Variants in CHN2 observed in about 807,000 individuals in gnomAD.
CHN2 encodes chimerin 2, also known as beta-chimaerin.
In CHN2, 35 loss-of-function variants were observed where a neutral mutation model predicts 56.3. The observed-to-expected ratio is 0.62, with a 90% confidence interval of 0.47 to 0.82. CHN2 has a LOEUF of 0.82. Ranked by LOEUF, CHN2 falls within the 40% of genes least tolerant of loss-of-function variation. CHN2 has a pLI of 0.00. For synonymous variants in CHN2, 210 were observed against 212.8 expected (o/e 0.99, Z 0.12); for missense variants, 491 against 580.5 (o/e 0.85, Z 1.58).
At chr7:29,249,667 GTGTAGAGAA>G (rs1182443339) in intron 1 of CHN2, among the ~76,000 whole-genome samples, 6 of 152,170 alleles carry the variant, frequency 3.9e-5, no homozygotes, top group Admixed American at 2.6e-4. Flanking sequence ...GGTTATTTGA[GTGTAGAGAA>G]TGTATTCATC....
intron 1 of CHN2, among the ~76,000 whole-genome samples, chr7:29,276,175 T>C (rs2189600): frequency 0.27 from 37,797 of 142,084 alleles, 5,149 homozygotes; most frequent in East Asian, 0.4. Flanking sequence ...GCAAGAGCTT[T>C]CCAAGCAGCA....
intron 1 of CHN2, among the ~76,000 whole-genome samples, chr7:29,200,913 T>C (rs1316813300): frequency 6.6e-6 from 1 of 152,176 alleles, no homozygotes; most frequent in African/African-American, 2.4e-5. Context: ...AACTGGCCAC[T>C]AACCTTTCAG....
chr7:29,262,636 C>G (rs116431163), intron 1 of CHN2, among the ~76,000 whole-genome samples: 2,585 of 152,210 alleles, frequency 0.017, 70 homozygotes, highest in African/African-American at 0.06. Flanking sequence ...ACCTTCCTTA[C>G]TAAAAAGAAA....
At position 29,435,634 on chromosome 7, in the gene CHN2, A is replaced by G. The variant is rs59077843; in HGVS notation, c.576+34806A>G. ...ACACAGACAAGGTACAGTTAAAATT[A>G]TAATATTATAATCTTATGGACCACC... On this transcript the variant is annotated intron_variant, in intron 6 of 12. Transcript: ENST00000222792. Among the ~76,000 whole-genome samples, 1,012 of 152,300 alleles carry G rather than the reference A, an allele frequency of 6.6e-3. 15 individuals are homozygous for G. The highest frequency in any genetic ancestry group is 0.023 in the African/African-American group (959 of 41,550).
intron 1 of CHN2, among the ~76,000 whole-genome samples, chr7:29,345,340 C>G (rs902708309): frequency 1.3e-5 from 2 of 152,220 alleles, no homozygotes; most frequent in Non-Finnish European, 2.9e-5. Context: ...TATAACCACA[C>G]AGCAAAACGT....
chr7:29,168,807 T>C (rs752411171), intron 2 of CHN2, among the ~76,000 whole-genome samples: 1 of 152,254 alleles, frequency 6.6e-6, no homozygotes, highest in Admixed American at 6.5e-5. Flanking sequence ...ATTCATGTTG[T>C]TTAGACATGT....
intron 1 of CHN2, among the ~76,000 whole-genome samples, chr7:29,323,582 A>T (rs1180909936): frequency 6.6e-6 from 1 of 152,068 alleles, no homozygotes; most frequent in Non-Finnish European, 1.5e-5. Context: ...CACGTGGGAG[A>T]TGGAGTTCAT....
intron 6 of CHN2, chr7:29,479,772 C>G: frequency 1.7e-6 from 2 of 1,190,510 alleles, no homozygotes; most frequent in South Asian, 3.8e-5. Flanking sequence ...CAATGTGCTG[C>G]GGCAGGAGAA....
chr7:29,416,260 A>T (rs1302504645), intron 6 of CHN2, among the ~76,000 whole-genome samples: 1 of 152,230 alleles, frequency 6.6e-6, no homozygotes, highest in Non-Finnish European at 1.5e-5. Flanking sequence ...TTCAAATATT[A>T]TCTCTGTTGA....
At chr7:29,437,897 G>T (rs1408886053) in intron 6 of CHN2, among the ~76,000 whole-genome samples, 1 of 152,180 alleles carries the variant, frequency 6.6e-6, no homozygotes, top group Admixed American at 6.5e-5. Context: ...CTTCATTGGG[G>T]TGTCAAGGTC....
intron 1 of CHN2, among the ~76,000 whole-genome samples, chr7:29,234,830 C>A (rs1274898989): frequency 2.0e-5 from 3 of 152,180 alleles, no homozygotes; most frequent in African/African-American, 7.2e-5. Flanking sequence ...GTAACATTAG[C>A]ATGATGGTTA....
intron 10 of CHN2, 79 bp downstream of exon 10, chr7:29,504,900 A>C (rs1790397784): frequency 1.0e-6 from 1 of 1,001,400 alleles, no homozygotes; most frequent in Non-Finnish European, 1.5e-6. Context: ...TCATAGTAGA[A>C]ATGGGGTTTC....
chr7:29,319,277 C>T (rs1387115292), intron 1 of CHN2, among the ~76,000 whole-genome samples: 3 of 152,154 alleles, frequency 2.0e-5, no homozygotes, highest in African/African-American at 7.2e-5. Flanking sequence ...GTTCTCAGCA[C>T]GTCTTTGTTA....
chr7:29,512,187 A>C (rs56407546), intron 12 of CHN2, among the ~76,000 whole-genome samples: 26,910 of 152,028 alleles, frequency 0.18, 2,592 homozygotes, highest in Non-Finnish European at 0.2. Context: ...GAGGGAAAAA[A>C]AAAACGCCTT....
intron 6 of CHN2, among the ~76,000 whole-genome samples, chr7:29,465,836 T>C (rs964715914): frequency 6.6e-6 from 1 of 152,204 alleles, no homozygotes; most frequent in Non-Finnish European, 1.5e-5. Context: ...ATTATAAGAC[T>C]GAAGTAAACA....
At chr7:29,212,343 G>A in intron 1 of CHN2, 7 of 1,501,174 alleles carry the variant, frequency 4.7e-6, no homozygotes, top group Admixed American at 1.7e-5. Context: ...GCCTTGCTTC[G>A]AAGCATCCGA....
chr7:29,192,653 C>G (rs1435659905), upstream of CHN2: 2 of 152,230 alleles, frequency 1.3e-5, no homozygotes, highest in Non-Finnish European at 2.9e-5. Flanking sequence ...ATGCCAGGTA[C>G]ACTGTAGCTT....
At chr7:29,394,041 C>T (rs932015108) in intron 4 of CHN2, among the ~76,000 whole-genome samples, 6 of 152,124 alleles carry the variant, frequency 3.9e-5, no homozygotes, top group African/African-American at 1.2e-4. Flanking sequence ...TCTACCTCAA[C>T]ACAATAGAAA....
At position 29,175,211 on chromosome 7, in the gene CHN2, G is replaced by C. The variant is rs1409363933; in HGVS notation, c.274+28251G>C. ...TTTTTTTGAGACGGGGCCTCTCTCT[G>C]TCACCCAGGCTGGAGTGTAGTGGCA... On this transcript the variant is annotated intron_variant, in intron 2 of 6. Coordinates refer to the CHN2 transcript ENST00000439384. 7.4e-5 allele frequency among the ~76,000 whole-genome samples: 11 copies of C among 149,506 alleles called. No homozygotes were observed. The East Asian group carries it at 1.6e-3, about 21-fold the overall frequency.
Sources: gnomAD v4.1 joint callset for allele counts (sites outside exome capture counted in the v4.1 genomes callset) on GRCh38, gnomAD v4.1.1 for gene constraint, MANE v1.5 for transcripts, NCBI Gene and HGNC (gene_info 2026-07-23, HGNC 2026-07-21) for gene names.